The following EXT1 variants were observed in gnomAD, a reference collection of about 807,000 sequenced individuals.
EXT1 encodes exostosin glycosyltransferase 1.
In EXT1, 20 loss-of-function variants were observed where a neutral mutation model predicts 82.5. That is an observed-to-expected ratio of 0.24 (90% CI 0.17 to 0.35). The LOEUF is 0.35. Among genes scored for constraint, EXT1 ranks in the 10% least tolerant of loss-of-function variants. EXT1 has a pLI of 1.00. For synonymous variants in EXT1, 348 were observed against 350.8 expected, an observed-to-expected ratio of 0.99 and a Z score of 0.09; for missense variants, 757 against 936.5, an observed-to-expected ratio of 0.81 and a Z score of 2.50.
chr8:117,981,825 C>G (rs906745375), intron 1 of EXT1, among the ~76,000 whole-genome samples: 1 of 151,660 alleles, frequency 6.6e-6, no homozygotes, highest in East Asian at 1.9e-4. Context: ...TTGCGGTGGG[C>G]TGAGATCACA....
At chr8:117,944,932 G>A (rs1242636131) in intron 1 of EXT1, among the ~76,000 whole-genome samples, 1 of 152,166 alleles carries the variant, frequency 6.6e-6, no homozygotes, top group Non-Finnish European at 1.5e-5. Context: ...GGAGGCGGAG[G>A]CGGGCGGATC....
At chr8:118,092,720 G>A (rs538836069) in intron 1 of EXT1, among the ~76,000 whole-genome samples, 14 of 152,310 alleles carry the variant, frequency 9.2e-5, no homozygotes, top group Middle Eastern at 3.4e-3. Flanking sequence ...CTCACCTGCC[G>A]GTGTGGACAG....
rs1287543128 is a variant in EXT1 at position 117,977,416 on chromosome 8, ATCC to A, written c.962+132666_962+132668del. Among the ~76,000 whole-genome samples, 481 of 151,658 alleles carry A rather than the reference ATCC, an allele frequency of 3.2e-3. 1 individual carries two copies. The highest frequency in any genetic ancestry group is 5.9e-3 in the Non-Finnish European group (400 of 67,900). On this transcript the variant is annotated intron_variant, in intron 1 of 10. Coordinates refer to ENST00000378204, the MANE Select transcript of EXT1 (RefSeq NM_000127.3). ...TAAAAAAAAAAAAAAAAGACCATAT[ATCC>A]AAGGGCCCACTCAGCAGAGACATCA...
chr8:117,846,923 C>A (rs1307305355), intron 1 of EXT1, among the ~76,000 whole-genome samples: 1 of 152,140 alleles, frequency 6.6e-6, no homozygotes, highest in African/African-American at 2.4e-5. Flanking sequence ...AACTTCCACT[C>A]CTGCTGCCTA....
chr8:117,996,067 A>C (rs995800959), intron 1 of EXT1, among the ~76,000 whole-genome samples: 1 of 152,076 alleles, frequency 6.6e-6, no homozygotes, highest in African/African-American at 2.4e-5. Context: ...TTGCCTTTGA[A>C]TCCAGACAGG....
Position 118,110,648 on chromosome 8 carries a change from G to C in EXT1, c.399C>G (p.Asn133Lys). The change falls in exon 1 of 11, where the codon AAC becomes AAG. Residue 133 changes from asparagine (N) to lysine (K), a missense_variant. Around this residue, in one of 4 missense-constraint regions of EXT1, gnomAD observed 247 missense variants for 330.1 expected, o/e 0.75. Transcript: ENST00000378204. ...KGEKIAESYQ[N>K]ILAAIEGSRF... ...TGGAGCCCTCGATGGCCGCTAGAATGTTTTGGTAACTTTCGGCGATTTTCT... is the reference window on the plus strand; with the variant it reads ...TGGAGCCCTCGATGGCCGCTAGAATCTTTTGGTAACTTTCGGCGATTTTCT... The C allele has an allele frequency of 6.2e-7, 1 of 1,614,184 alleles. No individual in the cohort carries two copies. The highest frequency in any genetic ancestry group is 1.7e-5 in the Admixed American group (1 of 60,024).
At chr8:117,804,652 G>GT (rs1165685429) in intron 10 of EXT1, 70 bp downstream of exon 10, 1 of 1,550,776 alleles carries the variant, frequency 6.4e-7, no homozygotes, top group Non-Finnish European at 8.9e-7. Flanking sequence ...CTAGAGGAAC[G>GT]TGAGTCCTCA....
At chr8:117,832,567 C>T (rs908436181) in intron 3 of EXT1, among the ~76,000 whole-genome samples, 11 of 151,952 alleles carry the variant, frequency 7.2e-5, no homozygotes, top group East Asian at 5.8e-4. Context: ...CTAAAGCTGT[C>T]ATTGCTATAT....
chr8:117,805,047 C>A (rs1008031216), intron 9 of EXT1, among the ~76,000 whole-genome samples, 154 bp from the exon 10 acceptor site: 3 of 152,138 alleles, frequency 2.0e-5, no homozygotes, highest in African/African-American at 7.2e-5. Flanking sequence ...ACTATCACTT[C>A]TATGGTACTT....
intron 1 of EXT1, among the ~76,000 whole-genome samples, chr8:117,962,769 C>A (rs1563614347): frequency 7.0e-6 from 1 of 143,544 alleles, no homozygotes; most frequent in African/African-American, 2.8e-5. Context: ...CCCCCCACCC[C>A]CAAAAAAAAG....
chr8:118,063,846 C>CTTTATTTATTTA (rs1161651930), intron 1 of EXT1, among the ~76,000 whole-genome samples: 203 of 150,756 alleles, frequency 1.3e-3, no homozygotes, highest in Middle Eastern at 6.8e-3. Flanking sequence ...CAGAGCTACA[C>CTTTATTTATTTA]TTTATTTATT....
chr8:117,998,821 T>C (rs1815600743), intron 1 of EXT1, among the ~76,000 whole-genome samples: 1 of 152,164 alleles, frequency 6.6e-6, no homozygotes. Context: ...AGAGAAAGAT[T>C]ACAGAAGTCA....
intron 1 of EXT1, among the ~76,000 whole-genome samples, chr8:118,069,136 A>C (rs1305815782): frequency 6.6e-6 from 1 of 152,236 alleles, no homozygotes; most frequent in African/African-American, 2.4e-5. Flanking sequence ...AACAAGAAAG[A>C]CTGAGAAGGG....
At chr8:118,038,448 G>C (rs1816465919) in intron 1 of EXT1, among the ~76,000 whole-genome samples, 1 of 152,180 alleles carries the variant, frequency 6.6e-6, no homozygotes, top group South Asian at 2.1e-4. Flanking sequence ...ATCTGACTCT[G>C]GTTAAGCATG....
At chr8:117,950,181 C>T (rs147373025) in intron 1 of EXT1, among the ~76,000 whole-genome samples, 7 of 152,228 alleles carry the variant, frequency 4.6e-5, no homozygotes, top group Admixed American at 6.5e-5. Flanking sequence ...GTGGAGGTTG[C>T]GGTGAGCTGA....
At chr8:117,884,811 A>G (rs918687002) in intron 1 of EXT1, among the ~76,000 whole-genome samples, 1 of 152,216 alleles carries the variant, frequency 6.6e-6, no homozygotes, top group African/African-American at 2.4e-5. Context: ...TGCAGGATGA[A>G]TGAAAAAGGA....
In EXT1 at chr8:117,822,570, T is replaced by C. The variant is rs774546763; in HGVS notation, c.1312A>G (p.Ile438Val). Residue 438 changes from isoleucine (I) to valine (V), a missense_variant, in exon 5 of 11, where the codon ATA becomes GTA. This residue lies in a region of EXT1 where 207 missense variants were observed against 224.2 expected (regional missense o/e 0.92). Transcript: ENST00000378204. Reference sequence around the variant, plus strand: ...TTCCATATTAAACTGTTACGTGATATGTGCTTGAATATTCTGTCCTGAATA... The same window carrying C: ...TTCCATATTAAACTGTTACGTGATACGTGCTTGAATATTCTGTCCTGAATA... ...EIIQDRIFKHISRNSLIWNKH... is the reference protein window; with the variant it reads ...EIIQDRIFKHVSRNSLIWNKH... The C allele has an allele frequency of 1.7e-5, 28 of 1,613,210 alleles. No individual in the cohort carries two copies. Among genetic ancestry groups the C allele is most frequent in the Non-Finnish European group, 1.7e-5 (20 of 1,179,724 alleles).
intron 1 of EXT1, among the ~76,000 whole-genome samples, chr8:117,868,797 C>A (rs990323399): frequency 6.6e-6 from 1 of 152,148 alleles, no homozygotes; most frequent in Non-Finnish European, 1.5e-5. Flanking sequence ...TTCTTCCACA[C>A]ATCCTCACGA....
At chr8:117,946,340 A>C (rs1305769733) in intron 1 of EXT1, among the ~76,000 whole-genome samples, 1 of 151,736 alleles carries the variant, frequency 6.6e-6, no homozygotes, top group East Asian at 1.9e-4. Context: ...TGGCATAAAG[A>C]CTTGAGTAAT....
Sources: allele counts gnomAD v4.1 joint callset (sites outside exome capture counted in the v4.1 genomes callset), GRCh38; gene constraint gnomAD v4.1.1; regional missense constraint gnomAD v4.1.1; transcripts MANE v1.5; gene names NCBI Gene and HGNC (gene_info 2026-07-23, HGNC 2026-07-21).